EFCAB13: variants seen among roughly 807,000 people sequenced by gnomAD.
EFCAB13 encodes the protein EF-hand calcium binding domain 13.
EFCAB13 carries 91 observed loss-of-function variants against 110.2 expected under a neutral mutation model. The ratio of observed to expected loss-of-function variants is 0.83; its 90% CI spans 0.70 to 0.98. The LOEUF (loss-of-function observed/expected upper bound fraction) is 0.98, where lower values mean the gene tolerates loss of function less well. EFCAB13 is among the 50% of genes least tolerant of loss of function. The pLI is 0.00. For synonymous variants in EFCAB13, 323 were observed against 369.9 expected, an observed-to-expected ratio of 0.87 and a Z score of 1.45; for missense variants, 968 against 1,119.4, an observed-to-expected ratio of 0.86 and a Z score of 1.93.
In EFCAB13 at chr17:47,347,896, A is replaced by G. The variant is rs763904554; in HGVS notation, c.606A>G (p.Arg202=). Residue 202 remains arginine, a synonymous_variant, in exon 9 of 25, where the codon AGA becomes AGG. Coordinates refer to ENST00000331493, the MANE Select transcript of EFCAB13 (RefSeq NM_152347.5). ...TTCCAGTGATCCTTTGCATCTTGAG[A>G]ATTTCTATAAGTGATTTAGAAATGC... is the stretch of plus-strand genomic sequence containing the variant. ...NDLPVILCIL[R]ISISDLEMRQ... 4 of 1,547,620 alleles carry G rather than the reference A, an allele frequency of 2.6e-6. No individual in the cohort carries two copies. In the Admixed American group the frequency reaches 5.2e-5, roughly 20 times the overall value.
intron 21 of EFCAB13, among the ~76,000 whole-genome samples, chr17:47,411,678 T>C (rs1476145425): frequency 6.6e-6 from 1 of 152,242 alleles, no homozygotes; most frequent in Non-Finnish European, 1.5e-5. Flanking sequence ...TATGGTGTTC[T>C]TTCCAAGTGA....
intron 21 of EFCAB13, among the ~76,000 whole-genome samples, chr17:47,411,075 A>G (rs1206310311): frequency 6.6e-6 from 1 of 152,136 alleles, no homozygotes; most frequent in African/African-American, 2.4e-5. Context: ...TGGCTCTTTA[A>G]TTAGACTCTT....
At chr17:47,382,536 T>C (rs1184904689) in intron 14 of EFCAB13, among the ~76,000 whole-genome samples, 1 of 152,218 alleles carries the variant, frequency 6.6e-6, no homozygotes, top group Non-Finnish European at 1.5e-5. Flanking sequence ...GTTCCATCAA[T>C]ACCTAGTTTA....
At chr17:47,378,142 C>A (rs1169302679) in intron 13 of EFCAB13, among the ~76,000 whole-genome samples, 1 of 152,174 alleles carries the variant, frequency 6.6e-6, no homozygotes, top group Non-Finnish European at 1.5e-5. Flanking sequence ...CTCTTCATCA[C>A]TATCCCTATC....
At chr17:47,391,270 ATACT>A (rs767889576) in intron 14 of EFCAB13, among the ~76,000 whole-genome samples, 163 bp from the exon 15 acceptor site, 6 of 152,070 alleles carry the variant, frequency 3.9e-5, no homozygotes, top group Non-Finnish European at 7.4e-5. Flanking sequence ...TTTGATTTTG[ATACT>A]TACTTTTTTT....
intron 10 of EFCAB13, among the ~76,000 whole-genome samples, chr17:47,366,836 A>G (rs1180439584): frequency 6.6e-6 from 1 of 152,214 alleles, no homozygotes; most frequent in Non-Finnish European, 1.5e-5. Context: ...GAGCTAATGA[A>G]TCTGTGAACA....
intron 4 of EFCAB13, among the ~76,000 whole-genome samples, chr17:47,332,129 G>T (rs1389299216): frequency 6.6e-6 from 1 of 152,084 alleles, no homozygotes; most frequent in East Asian, 1.9e-4. Context: ...GTTTAGTTTT[G>T]TAAGAAACTG....
intron 9 of EFCAB13, among the ~76,000 whole-genome samples, chr17:47,352,374 TCAACTTTGTCAAA>T (rs1377249502): frequency 6.6e-5 from 10 of 152,160 alleles, no homozygotes; most frequent in African/African-American, 2.2e-4. Flanking sequence ...TATGTTTTTG[TCAACTTTGTCAAA>T]GATCAGGTGG....
chr17:47,385,435 C>T (rs1448576013), intron 14 of EFCAB13, among the ~76,000 whole-genome samples: 1 of 151,730 alleles, frequency 6.6e-6, no homozygotes, highest in Non-Finnish European at 1.5e-5. Flanking sequence ...TTGATTGATT[C>T]AGCTATTGAT....
At chr17:47,399,079 T>TTA (rs1178984512) in intron 17 of EFCAB13, among the ~76,000 whole-genome samples, 1 of 152,118 alleles carries the variant, frequency 6.6e-6, no homozygotes, top group Non-Finnish European at 1.5e-5. Flanking sequence ...CACAGCACTG[T>TTA]GCCTGGCTAA....
intron 20 of EFCAB13, among the ~76,000 whole-genome samples, chr17:47,409,145 T>C (rs1035578439): frequency 6.6e-6 from 1 of 151,804 alleles, no homozygotes; most frequent in African/African-American, 2.4e-5. Context: ...TATCGTTTGT[T>C]CCTCAGATCT....
At position 47,374,878 on chromosome 17, in the gene EFCAB13, C is replaced by T; in HGVS notation, c.1284C>T (p.Ile428=). ...TGGATAAAAGTGATATTTCTAGTAT[C>T]CCAAAACTTCAGAAGCCAGCTGTAA... ...KSLDKSDISS[I]PKLQKPAVRK... The change falls in exon 12 of 25, where the codon ATC becomes ATT. Residue 428 remains isoleucine (I), a synonymous_variant. Transcript: ENST00000331493. 1.9e-6 allele frequency: 3 copies of T among 1,611,374 alleles called. No homozygotes were observed. Among genetic ancestry groups the T allele is most frequent in the Non-Finnish European group, 2.5e-6 (3 of 1,179,320 alleles).
At chr17:47,349,850 C>T (rs1439886352) in intron 9 of EFCAB13, among the ~76,000 whole-genome samples, 1 of 144,922 alleles carries the variant, frequency 6.9e-6, no homozygotes, top group Admixed American at 7.1e-5. Flanking sequence ...TCTCGGCTCA[C>T]TGCAAGCTCC....
At chr17:47,331,137 A>C (rs1423912991) in intron 4 of EFCAB13, among the ~76,000 whole-genome samples, 2 of 151,604 alleles carry the variant, frequency 1.3e-5, no homozygotes, top group Non-Finnish European at 2.9e-5. Context: ...TTTGCTGCTG[A>C]TTTGTTTGAA....
At chr17:47,340,836 G>A (rs1344280090) in intron 5 of EFCAB13, among the ~76,000 whole-genome samples, 1 of 128,904 alleles carries the variant, frequency 7.8e-6, no homozygotes, top group Non-Finnish European at 1.6e-5. Context: ...GGCTAGTCCC[G>A]AACTCCCAAC....
At chr17:47,417,070 T>G (rs577421750) in intron 23 of EFCAB13, among the ~76,000 whole-genome samples, 7 of 152,350 alleles carry the variant, frequency 4.6e-5, no homozygotes, top group African/African-American at 1.7e-4. Flanking sequence ...ACACATATCT[T>G]TACGGCATAT....
intron 9 of EFCAB13, among the ~76,000 whole-genome samples, chr17:47,359,516 T>TG (rs1346914195): frequency 2.0e-4 from 25 of 123,262 alleles, no homozygotes; most frequent in Non-Finnish European, 3.6e-5. Context: ...ATGGGAATTG[T>TG]GTTTTTTTTT....
intron 12 of EFCAB13, 184 bp from the exon 13 acceptor site, chr17:47,377,582 T>C: frequency 2.5e-6 from 1 of 407,534 alleles, no homozygotes; most frequent in Non-Finnish European, 4.3e-6. Flanking sequence ...GTGTTTGAGC[T>C]GTAAGAGAAA....
rs562382833 is a variant in EFCAB13, at chr17:47,401,372, C to A, written c.1946-760C>A. 2.6e-3 allele frequency among the ~76,000 whole-genome samples: 395 copies of A among 152,306 alleles called. 4 individuals carry two copies. Among genetic ancestry groups the A allele is most frequent in the African/African-American group, 9.3e-3 (386 of 41,560 alleles). ...AGCTGCTTCTGTTTCCTGTGTTCAT[C>A]ACTTTAACTTTGTAATCTAGTACTT... On this transcript the variant is annotated intron_variant, in intron 17 of 24. Transcript: ENST00000331493.
Sources: allele counts gnomAD v4.1 joint callset (sites outside exome capture counted in the v4.1 genomes callset), GRCh38; gene constraint gnomAD v4.1.1; transcripts MANE v1.5; gene names NCBI Gene and HGNC (gene_info 2026-07-23, HGNC 2026-07-21).